SHISA9: variants seen among roughly 807,000 people sequenced by gnomAD.
SHISA9 encodes protein shisa-9.
In SHISA9, 13 loss-of-function variants were observed where a neutral mutation model predicts 38.0. The observed-to-expected ratio is 0.34, with a 90% CI of 0.22 to 0.54. The LOEUF (loss-of-function observed/expected upper bound fraction) is 0.54. Ranked by LOEUF, SHISA9 falls within the 20% of genes least tolerant of loss-of-function variation. SHISA9 has a pLI of 0.91. For missense variants in SHISA9, 538 were observed against 575.8 expected (o/e 0.93, Z 0.67); for synonymous variants, 275 against 242.0 (o/e 1.14, Z -1.27).
the SHISA9 span, among the ~76,000 whole-genome samples, chr16:13,403,897 A>G: frequency 6.6e-6 from 1 of 152,200 alleles, no homozygotes; most frequent in Non-Finnish European, 1.5e-5. Context: ...AGGAAGGGGA[A>G]TAAACATGGT....
chr16:13,187,117 T>C (rs1238206979), intron 2 of SHISA9, among the ~76,000 whole-genome samples: 1 of 152,146 alleles, frequency 6.6e-6, no homozygotes, highest in Non-Finnish European at 1.5e-5. Flanking sequence ...GACTTCCCCG[T>C]TTCCCCCATT....
At chr16:13,306,994 A>G in the SHISA9 span, among the ~76,000 whole-genome samples, 1 of 152,236 alleles carries the variant, frequency 6.6e-6, no homozygotes, top group Admixed American at 6.5e-5. Flanking sequence ...TGCATGCAGA[A>G]GTTTTATTCT....
intron 2 of SHISA9, among the ~76,000 whole-genome samples, chr16:12,988,645 C>T (rs527771397): frequency 3.3e-5 from 5 of 152,236 alleles, no homozygotes; most frequent in Admixed American, 3.3e-4. Context: ...CTCCCTCAGC[C>T]ACCCGAGTAG....
At chr16:13,197,906 C>T (rs562342729) in intron 2 of SHISA9, among the ~76,000 whole-genome samples, 25 of 152,198 alleles carry the variant, frequency 1.6e-4, no homozygotes, top group East Asian at 3.9e-4. Flanking sequence ...ATATGCGGGC[C>T]GGGCGAGGTG....
At chr16:13,539,190 C>T in the SHISA9 span, among the ~76,000 whole-genome samples, 2 of 150,766 alleles carry the variant, frequency 1.3e-5, no homozygotes, top group African/African-American at 4.9e-5. Flanking sequence ...AGTGCAGTGG[C>T]ATGATCACAG....
chr16:13,241,890 G>A (rs868315608), downstream of SHISA9, among the ~76,000 whole-genome samples: 1 of 152,266 alleles, frequency 6.6e-6, no homozygotes, highest in Middle Eastern at 3.4e-3. Flanking sequence ...AAACTTGGTG[G>A]CTGGAGTCAC....
intron 2 of SHISA9, among the ~76,000 whole-genome samples, chr16:12,979,100 C>A (rs1190291633): frequency 2.6e-5 from 4 of 152,190 alleles, no homozygotes; most frequent in African/African-American, 7.2e-5. Flanking sequence ...TTGCATTAAA[C>A]CTTCAGACAC....
chr16:13,045,112 A>G (rs1433699401), intron 2 of SHISA9, among the ~76,000 whole-genome samples: 2 of 152,204 alleles, frequency 1.3e-5, no homozygotes, highest in African/African-American at 4.8e-5. Flanking sequence ...TAGAGATTCA[A>G]CATGCTTGTT....
At chr16:12,994,595 G>A (rs772882159) in intron 2 of SHISA9, among the ~76,000 whole-genome samples, 55 of 152,156 alleles carry the variant, frequency 3.6e-4, no homozygotes, top group Non-Finnish European at 7.5e-4. Context: ...AACAGGTGGC[G>A]AGGACCTGAA....
At chr16:13,476,072 G>A in the SHISA9 span, among the ~76,000 whole-genome samples, 162 of 152,262 alleles carry the variant, frequency 1.1e-3, no homozygotes, top group Non-Finnish European at 1.7e-3. Flanking sequence ...CTGAGGGTTG[G>A]GGGAGACCCC....
In SHISA9 at chr16:13,240,031, G is replaced by A. The variant is rs149992896; in HGVS notation, c.*4622G>A. 6.6e-6 allele frequency: 1 copy of A among 152,286 alleles called. No individual in the cohort carries two copies. The highest frequency in any genetic ancestry group is 1.5e-5 in the Non-Finnish European group (1 of 68,104). The allele number at this position is 152,286 out of a possible 1,614,324, so 9.4% of individuals were successfully genotyped here. On this transcript the variant is annotated 3_prime_UTR_variant, in exon 5 of 5. Transcript: ENST00000558583. ...CAGGCTGTCCTCTTCCTAATTCCAT[G>A]CCCTGACATCAGCCCCTATTTTTTG...
intron 2 of SHISA9, among the ~76,000 whole-genome samples, chr16:12,921,085 G>A (rs929901621): frequency 1.3e-5 from 2 of 152,192 alleles, no homozygotes; most frequent in Non-Finnish European, 2.9e-5. Context: ...GTCTGACTGT[G>A]CTCTTGTATA....
intron 2 of SHISA9, among the ~76,000 whole-genome samples, chr16:12,942,625 T>G (rs115681755): frequency 0.014 from 2,057 of 152,340 alleles, 49 homozygotes; most frequent in African/African-American, 0.047. Context: ...AAAAAAGCTT[T>G]GCTGGTCCTA....
At chr16:13,493,272 C>T in the SHISA9 span, among the ~76,000 whole-genome samples, 2 of 152,082 alleles carry the variant, frequency 1.3e-5, no homozygotes, top group Non-Finnish European at 1.5e-5. Flanking sequence ...TTTTAGATCA[C>T]AAAGCTATTA....
chr16:12,924,666 A>G (rs1366023491), intron 2 of SHISA9, among the ~76,000 whole-genome samples: 1 of 152,224 alleles, frequency 6.6e-6, no homozygotes, highest in African/African-American at 2.4e-5. Context: ...GGTTCAGCAC[A>G]GTAGCCTGAA....
At chr16:13,178,824 G>T (rs1898680) in intron 2 of SHISA9, among the ~76,000 whole-genome samples, 58,122 of 151,982 alleles carry the variant, frequency 0.38, 12,361 homozygotes, top group African/African-American at 0.58. Flanking sequence ...CCAGGTCCAT[G>T]TTTTCAGAGG....
chr16:12,921,159 A>G (rs1044022796), intron 2 of SHISA9, among the ~76,000 whole-genome samples: 1 of 152,274 alleles, frequency 6.6e-6, no homozygotes, highest in Non-Finnish European at 1.5e-5. Context: ...AAACCGGGTT[A>G]TGCGATAACA....
chr16:12,903,374 G>C (rs1480876671), intron 1 of SHISA9, among the ~76,000 whole-genome samples: 2 of 152,128 alleles, frequency 1.3e-5, no homozygotes, highest in Admixed American at 6.5e-5. Context: ...CCCCCTCCTC[G>C]CGCGCCCTCA....
chr16:13,396,124 G>A, the SHISA9 span, among the ~76,000 whole-genome samples: 3 of 152,152 alleles, frequency 2.0e-5, no homozygotes, highest in African/African-American at 7.2e-5. Flanking sequence ...TTTATGTTGA[G>A]GCCTCAGATA....
Sources: allele counts gnomAD v4.1 joint callset (sites outside exome capture counted in the v4.1 genomes callset), GRCh38; gene constraint gnomAD v4.1.1; transcripts MANE v1.5; gene names NCBI Gene and HGNC (gene_info 2026-07-23, HGNC 2026-07-21).